The following LRRFIP1 variants were observed in gnomAD, a reference collection of about 807,000 sequenced individuals.
The protein encoded by LRRFIP1 is leucine-rich repeat flightless-interacting protein 1.
A neutral mutation model predicts 104.4 loss-of-function variants in LRRFIP1; 62 were observed. The ratio of observed to expected loss-of-function variants is 0.59; its 90% CI spans 0.48 to 0.73. The LOEUF is 0.73. Ranked by LOEUF, LRRFIP1 falls within the 30% of genes least tolerant of loss-of-function variation. The pLI is 0.00. For synonymous variants in LRRFIP1, 300 were observed against 299.0 expected (o/e 1.00, Z -0.03); for missense variants, 796 against 824.5 (o/e 0.97, Z 0.42).
At chr2:237,771,668 A>G (rs1314540217) in intron 20 of LRRFIP1, among the ~76,000 whole-genome samples, 2 of 151,274 alleles carry the variant, frequency 1.3e-5, no homozygotes, top group Non-Finnish European at 2.9e-5. Context: ...GCCTCTGAAC[A>G]CACCTGCAGC....
At position 237,717,003 on chromosome 2, in the gene LRRFIP1, T is replaced by C. The variant is rs2094357444; in HGVS notation, c.202-759T>C. Among the ~76,000 whole-genome samples, 1 of 151,740 alleles carries C rather than the reference T, an allele frequency of 6.6e-6. No homozygotes were observed. The highest frequency in any genetic ancestry group is 1.5e-5 in the Non-Finnish European group (1 of 68,048). On this transcript the variant is annotated intron_variant, in intron 3 of 23. Coordinates refer to ENST00000308482, the MANE Select transcript of LRRFIP1 (RefSeq NM_001137550.2). This position sits in a 1 kb window ranked among gnomAD's most constrained non-coding sequence, Gnocchi z 4.2. ...AATCGTAAACTCTTTTAAAACATTATGAAATTTTTTTTGCAATTTTTTTTT... is the reference window on the plus strand; with the variant it reads ...AATCGTAAACTCTTTTAAAACATTACGAAATTTTTTTTGCAATTTTTTTTT...
chr2:237,669,364 G>A (rs776089702), intron 1 of LRRFIP1, among the ~76,000 whole-genome samples: 7 of 152,206 alleles, frequency 4.6e-5, no homozygotes, highest in Non-Finnish European at 8.8e-5. Context: ...ATTAAGTACT[G>A]TGATTATCTC....
intron 23 of LRRFIP1, among the ~76,000 whole-genome samples, chr2:237,778,963 C>T (rs745435600): frequency 2.0e-5 from 3 of 151,580 alleles, no homozygotes; most frequent in African/African-American, 7.3e-5. Flanking sequence ...GTGGCTCATG[C>T]CTGTAATCCC....
chr2:237,715,734 C>A (rs968618700), intron 3 of LRRFIP1, among the ~76,000 whole-genome samples: 1 of 152,244 alleles, frequency 6.6e-6, no homozygotes, highest in East Asian at 1.9e-4. Context: ...GGAATCAAAG[C>A]TATTTCTGAA....
intron 1 of LRRFIP1, among the ~76,000 whole-genome samples, chr2:237,639,171 G>T (rs916366976): frequency 6.6e-6 from 1 of 152,198 alleles, no homozygotes; most frequent in African/African-American, 2.4e-5. Flanking sequence ...GGAGGCAGTT[G>T]TGCTTCTTGA....
chr2:237,718,984 A>T (rs2094444306), intron 4 of LRRFIP1, among the ~76,000 whole-genome samples: 1 of 152,196 alleles, frequency 6.6e-6, no homozygotes, highest in Non-Finnish European at 1.5e-5. Flanking sequence ...AAGTTGTATC[A>T]TTGTTTTATA....
At chr2:237,747,278 G>A (rs2058000271) in intron 11 of LRRFIP1, among the ~76,000 whole-genome samples, 1 of 152,190 alleles carries the variant, frequency 6.6e-6, no homozygotes, top group Admixed American at 6.5e-5. Context: ...GTTGCTCCAG[G>A]TGTCGTTGGA....
chr2:237,730,241 T>G (rs987726838), intron 8 of LRRFIP1, among the ~76,000 whole-genome samples: 6 of 152,268 alleles, frequency 3.9e-5, no homozygotes, highest in African/African-American at 1.4e-4. Context: ...TTCTTGGGCA[T>G]GGACTAGACT....
intron 1 of LRRFIP1, among the ~76,000 whole-genome samples, chr2:237,685,989 G>C (rs1041681237): frequency 2.6e-5 from 4 of 152,176 alleles, no homozygotes; most frequent in Non-Finnish European, 5.9e-5. Context: ...TCTTCACTCT[G>C]TGGCTTCCAG....
chr2:237,768,923 G>A (rs1342793333), intron 19 of LRRFIP1: 2 of 152,264 alleles, frequency 1.3e-5, no homozygotes, highest in African/African-American at 4.8e-5. Flanking sequence ...CTTTGAGTCA[G>A]GGTCTGACTC....
intron 11 of LRRFIP1, among the ~76,000 whole-genome samples, chr2:237,744,952 C>T (rs566769319): frequency 1.3e-5 from 2 of 152,384 alleles, no homozygotes; most frequent in East Asian, 3.9e-4. Flanking sequence ...GCACCATGCC[C>T]ACCTCCTCCA....
rs776287703 is a variant in LRRFIP1, at chr2:237,735,381, G to A, written c.555+48G>A. On this transcript the variant is annotated intron_variant, in intron 10 of 23. Transcript: ENST00000308482. This position sits in a 1 kb window ranked among gnomAD's most constrained non-coding sequence, Gnocchi z 4.6. ...TCCTTTCCCCCGTGCCTGCTGCATG[G>A]CCTGGGGATGCTCGCTGGGCAGGGT... The A allele has an allele frequency of 2.8e-5, 44 of 1,564,842 alleles. No individual in the cohort carries two copies. In the Admixed American group the frequency reaches 7.4e-4, roughly 26 times the overall value.
At chr2:237,704,549 T>C (rs1325216354) in intron 1 of LRRFIP1, among the ~76,000 whole-genome samples, 3 of 152,210 alleles carry the variant, frequency 2.0e-5, no homozygotes, top group Admixed American at 1.3e-4. Flanking sequence ...TGGTCATGCA[T>C]AGGTTTTGTG....
intron 1 of LRRFIP1, among the ~76,000 whole-genome samples, chr2:237,648,825 T>A (rs2085415393): frequency 6.6e-6 from 1 of 151,632 alleles, no homozygotes; most frequent in Admixed American, 6.6e-5. Flanking sequence ...CAGGCAGTGA[T>A]GACCAGGCTC....
In LRRFIP1 at chr2:237,723,684, C is replaced by G. The variant is rs1233326100; in HGVS notation, c.384+98C>G. The G allele has an allele frequency of 6.1e-6, 9 of 1,470,990 alleles. No individual in the cohort carries two copies. In the Admixed American group the frequency reaches 8.5e-5, roughly 14 times the overall value. The allele number at this position is 1,470,990 out of a possible 1,614,324, so 91.1% of individuals were successfully genotyped here. On this transcript the variant is annotated intron_variant, in intron 7 of 23. Transcript: ENST00000308482. ...CACGAATCTCATGGGTGCTTTGTCTCCAGTTTTTGCCTGGGGGGCTATGAG... is the reference window on the plus strand; with the variant it reads ...CACGAATCTCATGGGTGCTTTGTCTGCAGTTTTTGCCTGGGGGGCTATGAG...
intron 1 of LRRFIP1, among the ~76,000 whole-genome samples, chr2:237,700,718 C>T (rs566173574): frequency 2.6e-5 from 4 of 152,266 alleles, no homozygotes; most frequent in African/African-American, 9.6e-5. Flanking sequence ...CCCTAATATG[C>T]GCTAACAGGC....
chr2:237,744,923 G>C (rs1190181384), intron 11 of LRRFIP1, among the ~76,000 whole-genome samples: 1 of 152,182 alleles, frequency 6.6e-6, no homozygotes, highest in Non-Finnish European at 1.5e-5. Flanking sequence ...CAGCCACCAT[G>C]TCCTCTGGAC....
chr2:237,640,981 G>T (rs2083874358), intron 1 of LRRFIP1, among the ~76,000 whole-genome samples: 1 of 152,178 alleles, frequency 6.6e-6, no homozygotes, highest in Non-Finnish European at 1.5e-5. Flanking sequence ...CACCTCTGTG[G>T]TTTCTACCTC....
At chr2:237,719,940 CTTTTTTTTTT>C (rs57355213) in intron 5 of LRRFIP1, among the ~76,000 whole-genome samples, 3,228 of 104,100 alleles carry the variant, frequency 0.031, 123 homozygotes, top group African/African-American at 0.11. Flanking sequence ...GATGAAATTA[CTTTTTTTTTT>C]TTTTTTTTTT....
Sources: allele counts gnomAD v4.1 joint callset (sites outside exome capture counted in the v4.1 genomes callset), GRCh38; gene constraint gnomAD v4.1.1; non-coding constraint Gnocchi (gnomAD v3.1); transcripts MANE v1.5; gene names NCBI Gene and HGNC (gene_info 2026-07-23, HGNC 2026-07-21).